ASB15: variants seen among roughly 807,000 people sequenced by gnomAD.
ASB15 encodes the protein ankyrin repeat and SOCS box protein 15.
In ASB15, 54 loss-of-function variants were observed where a neutral mutation model predicts 58.0. The observed-to-expected ratio is 0.93, with a 90% CI of 0.75 to 1.17. ASB15 has a LOEUF of 1.17. Among genes scored for constraint, ASB15 ranks in the 50% most tolerant of loss-of-function variants. The pLI is 0.00. For missense variants in ASB15, 680 were observed against 707.4 expected, an observed-to-expected ratio of 0.96 and a Z score of 0.44; for synonymous variants, 249 against 262.4, an observed-to-expected ratio of 0.95 and a Z score of 0.50.
chr7:123,569,504 A>G (rs1287908537), intron 1 of ASB15, among the ~76,000 whole-genome samples: 3 of 152,194 alleles, frequency 2.0e-5, no homozygotes, highest in Admixed American at 1.3e-4. Context: ...TGCATTTTTA[A>G]TAGTTAGAGG....
intron 1 of ASB15, among the ~76,000 whole-genome samples, chr7:123,575,246 G>A (rs1282295838): frequency 6.6e-6 from 1 of 151,734 alleles, no homozygotes; most frequent in East Asian, 1.9e-4. Flanking sequence ...TCCCTACTAG[G>A]AAAAAACAAT....
At chr7:123,608,962 T>C (rs1800289355) in intron 3 of ASB15, 1 of 142,328 alleles carries the variant, frequency 7.0e-6, no homozygotes, top group African/African-American at 2.7e-5. Flanking sequence ...GTATTTTTTT[T>C]ACCGTACCAA....
chr7:123,602,275 G>T (rs1799915447), intron 1 of ASB15, among the ~76,000 whole-genome samples: 1 of 152,048 alleles, frequency 6.6e-6, no homozygotes, highest in Non-Finnish European at 1.5e-5. Context: ...AATAATTTTT[G>T]TGAATAAATA....
intron 1 of ASB15, among the ~76,000 whole-genome samples, chr7:123,569,355 A>T (rs546677137): frequency 6.6e-6 from 1 of 152,362 alleles, no homozygotes; most frequent in East Asian, 1.9e-4. Context: ...TCTCAGATAC[A>T]TGTAAATAGC....
intron 1 of ASB15, among the ~76,000 whole-genome samples, chr7:123,591,769 T>C (rs1382370210): frequency 3.9e-5 from 6 of 152,170 alleles, no homozygotes; most frequent in Non-Finnish European, 5.9e-5. Context: ...TCTTTTTATA[T>C]AGTGTCTCTG....
At chr7:123,590,371 G>A (rs1053819874) in intron 1 of ASB15, among the ~76,000 whole-genome samples, 13 of 152,218 alleles carry the variant, frequency 8.5e-5, no homozygotes, top group Non-Finnish European at 1.5e-4. Flanking sequence ...ATTGCTTTTC[G>A]TGTTTTAGTC....
chr7:123,624,906 C>T, intron 8 of ASB15, 92 bp downstream of exon 8: 1 of 1,410,412 alleles, frequency 7.1e-7, no homozygotes, highest in Non-Finnish European at 9.6e-7. Flanking sequence ...CTGAATGTAA[C>T]TAGGGGAGCT....
At chr7:123,628,343 C>T (rs559618026) in intron 9 of ASB15, among the ~76,000 whole-genome samples, 15 of 152,176 alleles carry the variant, frequency 9.9e-5, no homozygotes, top group Admixed American at 4.6e-4. Context: ...TCCTGCTCTG[C>T]GTCTAACTGT....
chr7:123,586,684 T>C (rs868501732), intron 1 of ASB15, among the ~76,000 whole-genome samples: 1 of 151,898 alleles, frequency 6.6e-6, no homozygotes, highest in Middle Eastern at 3.4e-3. Flanking sequence ...TCTAGTAGTT[T>C]TACAGTTTCA....
At chr7:123,634,729 T>C (rs988069841) in intron 11 of ASB15, among the ~76,000 whole-genome samples, 4 of 152,206 alleles carry the variant, frequency 2.6e-5, no homozygotes, top group Admixed American at 1.3e-4. Flanking sequence ...TTTATAAAAG[T>C]ATTCTAAATA....
chr7:123,633,285 T>C (rs1463540496), intron 11 of ASB15, among the ~76,000 whole-genome samples: 1 of 152,070 alleles, frequency 6.6e-6, no homozygotes, highest in East Asian at 1.9e-4. Flanking sequence ...TATTTTTGAA[T>C]ATTAGTACAT....
At chr7:123,612,957 G>T (rs1012447317) in intron 3 of ASB15, among the ~76,000 whole-genome samples, 33 of 151,960 alleles carry the variant, frequency 2.2e-4, no homozygotes, top group African/African-American at 7.7e-4. Context: ...TTACATCTAT[G>T]TGGTGAATAA....
rs953413785 is a variant in ASB15 at position 123,616,231 on chromosome 7, C to G, written c.118C>G (p.Leu40Val). 1.9e-6 allele frequency: 3 copies of G among 1,599,154 alleles called. No individual in the cohort carries two copies. In the East Asian group the frequency reaches 6.7e-5, roughly 36 times the overall value. The change falls in exon 5 of 12, where the codon CTA (leucine) becomes GTA (valine). Residue 40 changes from leucine (L) to valine (V), a missense_variant. By Grantham distance (32) the Leu-to-Val change is conservative. Transcript: ENST00000451215. ...TTCTTTATCTCATAGATTTGTACCC[C>G]TAAGTGCTCAAAACAGAAAACTTGT... is the stretch of plus-strand genomic sequence containing the variant. ...TALCPERFVP[L>V]SAQNRKLVEA...
intron 1 of ASB15, among the ~76,000 whole-genome samples, chr7:123,569,843 C>CA (rs35138009): frequency 6.6e-6 from 1 of 151,774 alleles, no homozygotes; most frequent in Non-Finnish European, 1.5e-5. Context: ...TGGCAAGTTA[C>CA]AAAAAAGAGG....
At chr7:123,588,956 A>G (rs1799452679) in intron 1 of ASB15, among the ~76,000 whole-genome samples, 1 of 151,766 alleles carries the variant, frequency 6.6e-6, no homozygotes, top group Non-Finnish European at 1.5e-5. Flanking sequence ...CAATCTAGTT[A>G]AATTTCTTAA....
At chr7:123,596,509 G>T (rs1413030509) in intron 1 of ASB15, 1 of 152,136 alleles carries the variant, frequency 6.6e-6, no homozygotes, top group Non-Finnish European at 1.5e-5. Context: ...CTGCTCAGGA[G>T]GCTGATGCGA....
intron 1 of ASB15, among the ~76,000 whole-genome samples, chr7:123,573,345 G>A (rs192656233): frequency 2.2e-5 from 3 of 135,938 alleles, no homozygotes; most frequent in Non-Finnish European, 3.0e-5. Flanking sequence ...AATGCTCATC[G>A]TAAGTGGAAT....
chr7:123,607,809 A>G (rs552835275), intron 2 of ASB15, among the ~76,000 whole-genome samples: 1 of 152,330 alleles, frequency 6.6e-6, no homozygotes, highest in African/African-American at 2.4e-5. Flanking sequence ...ATAGAATTAC[A>G]GAAGAAGGAT....
rs1273310492 is a variant in ASB15, at chr7:123,613,475, T to C, written c.-2-1026T>C. Among the ~76,000 whole-genome samples, 5 of 152,192 alleles carry C rather than the reference T, an allele frequency of 3.3e-5. 1 individual carries two copies. The highest frequency in any genetic ancestry group is 4.1e-4 in the South Asian group (2 of 4,828). On this transcript the variant is annotated intron_variant, in intron 3 of 11. Coordinates refer to ENST00000451215, the MANE Select transcript of ASB15 (RefSeq NM_001290258.2). ...AAATAAAATAAAGCAATTGACTCAA[T>C]AGTAAAGAGTAAAATAGTAAATTCA... is the stretch of plus-strand genomic sequence containing the variant.
Sources: allele counts gnomAD v4.1 joint callset (sites outside exome capture counted in the v4.1 genomes callset), GRCh38; gene constraint gnomAD v4.1.1; transcripts MANE v1.5; gene names NCBI Gene and HGNC (gene_info 2026-07-23, HGNC 2026-07-21).